The following VPS8 variants were observed in gnomAD, a reference collection of about 807,000 sequenced individuals.
VPS8 encodes vacuolar protein sorting-associated protein 8 homolog.
Under a neutral mutation model 216.4 loss-of-function variants are expected in VPS8, and 129 were observed. The observed-to-expected ratio is 0.60, with a 90% CI of 0.52 to 0.69. The LOEUF is 0.69. Among genes scored for constraint, VPS8 ranks in the 30% least tolerant of loss-of-function variants. The pLI is 0.00. For synonymous variants in VPS8, 571 were observed against 565.4 expected, an observed-to-expected ratio of 1.01 and a Z score of -0.14; for missense variants, 1,531 against 1,683.5, an observed-to-expected ratio of 0.91 and a Z score of 1.59.
intron 45 of VPS8, among the ~76,000 whole-genome samples, chr3:185,012,636 C>T (rs1755181245): frequency 6.6e-6 from 1 of 150,454 alleles, no homozygotes; most frequent in Non-Finnish European, 1.5e-5. Context: ...CCAAAGACAA[C>T]AATAAGAATG....
chr3:184,922,178 C>T (rs1253699002), intron 29 of VPS8, among the ~76,000 whole-genome samples: 1 of 152,204 alleles, frequency 6.6e-6, no homozygotes, highest in Admixed American at 6.5e-5. Flanking sequence ...TGGCAAGTTC[C>T]TAATCATTTT....
chr3:184,942,853 A>G lies in VPS8; in HGVS notation c.3035+2610A>G, dbSNP rs551826831. On this transcript the variant is annotated intron_variant, in intron 36 of 47. Coordinates refer to ENST00000625842, the MANE Select transcript of VPS8 (RefSeq NM_001009921.3). ...AAAGCTTCTTTAACCCACAGTGTAA[A>G]TAAATATATAATACTAGTAACATAT... 3.3e-5 allele frequency among the ~76,000 whole-genome samples: 5 copies of G among 152,344 alleles called. No individual in the cohort carries two copies. The East Asian group carries it at 5.8e-4, about 18-fold the overall frequency.
intron 1 of VPS8, among the ~76,000 whole-genome samples, chr3:184,821,478 G>T (rs1407630912): frequency 6.6e-6 from 1 of 151,880 alleles, no homozygotes; most frequent in Non-Finnish European, 1.5e-5. Flanking sequence ...TGAGTAGCTG[G>T]GACTACAGGC....
chr3:184,836,359 A>G lies in VPS8; in HGVS notation c.447+1617A>G, dbSNP rs567823404. 2,293 of 456,076 alleles carry G rather than the reference A, an allele frequency of 5.0e-3. 48 individuals carry two copies. The highest frequency in any genetic ancestry group is 0.035 in the South Asian group (2,236 of 64,334). 28.3% of individuals were successfully genotyped at this position (456,076 alleles called of 1,614,324 possible). ...GGTGATGAAATTCATTCCTTTCAAAATCAAGATGAACCAGAACAGTCATTT... is the reference window on the plus strand; with the variant it reads ...GGTGATGAAATTCATTCCTTTCAAAGTCAAGATGAACCAGAACAGTCATTT... On this transcript the variant is annotated intron_variant, in intron 5 of 47. Coordinates refer to ENST00000625842, the MANE Select transcript of VPS8 (RefSeq NM_001009921.3).
intron 14 of VPS8, among the ~76,000 whole-genome samples, chr3:184,856,123 A>G (rs1725207948): frequency 6.6e-6 from 1 of 152,252 alleles, no homozygotes; most frequent in South Asian, 2.1e-4. Flanking sequence ...ATATGTGTGT[A>G]TTAATGACAG....
intron 39 of VPS8, among the ~76,000 whole-genome samples, chr3:184,971,052 G>C (rs1748321418): frequency 6.6e-6 from 1 of 152,178 alleles, no homozygotes; most frequent in Non-Finnish European, 1.5e-5. Context: ...GAGCAGATTT[G>C]AAATGAGAAA....
At chr3:185,048,583 AT>A in intron 47 of VPS8, 24 bp downstream of exon 47, 1 of 1,612,004 alleles carries the variant, frequency 6.2e-7, no homozygotes. Flanking sequence ...GGTTGTTTAT[AT>A]TTTTATTTCC....
chr3:184,977,576 A>G (rs9852241), intron 40 of VPS8, among the ~76,000 whole-genome samples: 74,635 of 151,884 alleles, frequency 0.49, 19,283 homozygotes, highest in Middle Eastern at 0.66. Flanking sequence ...TAAGAGTTTT[A>G]TACTCTGAGG....
rs564273691 is a variant in VPS8, at chr3:184,875,854, G to A, written c.1734+5049G>A. On this transcript the variant is annotated intron_variant, in intron 21 of 47. Coordinates refer to ENST00000625842, the MANE Select transcript of VPS8 (RefSeq NM_001009921.3). Reference sequence around the variant, plus strand: ...AAAAAAAAAAAATTAGCTGGGAATGGTGGTGCACAGCTATAGTCCCAGCTA... The same window carrying A: ...AAAAAAAAAAAATTAGCTGGGAATGATGGTGCACAGCTATAGTCCCAGCTA... Among the ~76,000 whole-genome samples, 3 of 151,704 alleles carry A rather than the reference G, an allele frequency of 2.0e-5. No homozygotes were observed. The South Asian group carries it at 6.3e-4, about 32-fold the overall frequency.
chr3:184,870,265 GAATT>G (rs1728095312), intron 20 of VPS8, among the ~76,000 whole-genome samples: 1 of 152,154 alleles, frequency 6.6e-6, no homozygotes, highest in Non-Finnish European at 1.5e-5. Flanking sequence ...AGACTGGGCT[GAATT>G]AATTGACTAT....
intron 42 of VPS8, among the ~76,000 whole-genome samples, chr3:184,990,073 A>G (rs951405373): frequency 6.6e-6 from 1 of 151,900 alleles, no homozygotes; most frequent in Non-Finnish European, 1.5e-5. Context: ...ACTGTCTACA[A>G]AAAAAAAGAA....
At chr3:184,923,855 T>G (rs1182623792) in intron 29 of VPS8, among the ~76,000 whole-genome samples, 1 of 152,248 alleles carries the variant, frequency 6.6e-6, no homozygotes, top group Non-Finnish European at 1.5e-5. Flanking sequence ...AAACTTAGCT[T>G]AAAAGCTATT....
In VPS8 at chr3:184,992,620, A is replaced by G. The variant is rs552399633; in HGVS notation, c.3586-1363A>G. On this transcript the variant is annotated intron_variant, in intron 42 of 47. Coordinates refer to ENST00000625842, the MANE Select transcript of VPS8 (RefSeq NM_001009921.3). ...TAAACTGCTTAGTACTGTACTTGGC[A>G]TATGCTACTCACTTAAAGTAGCAGC... Among the ~76,000 whole-genome samples, 173 of 152,254 alleles carry G rather than the reference A, an allele frequency of 1.1e-3. 2 individuals carry two copies. Among genetic ancestry groups the G allele is most frequent in the African/African-American group, 4.0e-3 (167 of 41,558 alleles).
chr3:184,959,526 G>GC (rs1337192867), intron 37 of VPS8, among the ~76,000 whole-genome samples: 1 of 151,844 alleles, frequency 6.6e-6, no homozygotes, highest in African/African-American at 2.4e-5. Context: ...AATAGCCACC[G>GC]CCCCCCACCA....
chr3:184,897,508 C>T (rs1039057850), intron 23 of VPS8, among the ~76,000 whole-genome samples: 6 of 151,880 alleles, frequency 4.0e-5, no homozygotes, highest in African/African-American at 1.2e-4. Context: ...GACATTCAGG[C>T]GAAGATGTCG....
chr3:184,941,677 A>T (rs1576920832), intron 36 of VPS8, among the ~76,000 whole-genome samples: 1 of 151,826 alleles, frequency 6.6e-6, no homozygotes, highest in African/African-American at 2.4e-5. Context: ...GAGCCTGCCC[A>T]CCTCTTTTTC....
rs747635562 is a variant in VPS8, at chr3:184,874,070, G to GT, written c.1734+3277dup. Among the ~76,000 whole-genome samples the GT allele has an allele frequency of 1.8e-3, 263 of 142,702 alleles. 1 individual carries two copies. Among genetic ancestry groups the GT allele is most frequent in the South Asian group, 6.5e-3 (29 of 4,458 alleles). 93.6% of individuals were successfully genotyped at this position (142,702 alleles called of 152,430 possible). On this transcript the variant is annotated intron_variant, in intron 21 of 47. Transcript: ENST00000625842. ...AATTATATAGGTTGACTTTTAAAGTGTTTTTTTTTTTTAAGTAGAGTGGAC... is the reference window on the plus strand; with the variant it reads ...AATTATATAGGTTGACTTTTAAAGTGTTTTTTTTTTTTTAAGTAGAGTGGAC...
intron 35 of VPS8, among the ~76,000 whole-genome samples, chr3:184,939,939 A>T (rs139776912): frequency 1.3e-5 from 2 of 152,236 alleles, no homozygotes; most frequent in East Asian, 3.9e-4. Flanking sequence ...TTGTCTCAGT[A>T]GAGGTCTGTT....
At chr3:184,953,273 A>T (rs1219218938) in intron 36 of VPS8, among the ~76,000 whole-genome samples, 2 of 152,204 alleles carry the variant, frequency 1.3e-5, no homozygotes, top group Non-Finnish European at 2.9e-5. Context: ...AGGCAGGGGA[A>T]CATTTCAGGA....
Sources: gnomAD v4.1 joint callset for allele counts (sites outside exome capture counted in the v4.1 genomes callset) on GRCh38, gnomAD v4.1.1 for gene constraint, MANE v1.5 for transcripts, NCBI Gene and HGNC (gene_info 2026-07-23, HGNC 2026-07-21) for gene names.